The following CHODL variants were observed in gnomAD, a reference collection of about 807,000 sequenced individuals.
The protein encoded by CHODL is transmembrane protein MT75.
Under a neutral mutation model 34.5 loss-of-function variants are expected in CHODL, and 29 were observed. The observed-to-expected ratio is 0.84, with a 90% CI of 0.63 to 1.15. The LOEUF is 1.15. CHODL is among the 50% of genes most tolerant of loss of function. The pLI is 0.00. For synonymous variants in CHODL, 125 were observed against 116.1 expected (o/e 1.08, Z -0.49); for missense variants, 332 against 332.5 (o/e 1.00, Z 0.01).
At chr21:18,102,959 A>C (rs925330001) in intron 2 of CHODL, among the ~76,000 whole-genome samples, 3 of 152,208 alleles carry the variant, frequency 2.0e-5, no homozygotes, top group Non-Finnish European at 2.9e-5. Context: ...TAGCAATAAC[A>C]CTAATCTCTC....
intron 1 of CHODL, among the ~76,000 whole-genome samples, chr21:18,004,843 A>AC (rs972065430): frequency 1.3e-5 from 2 of 150,936 alleles, no homozygotes; most frequent in African/African-American, 4.9e-5. Flanking sequence ...AAAAAAAAAA[A>AC]AACAACAACA....
intron 2 of CHODL, among the ~76,000 whole-genome samples, chr21:18,171,717 C>G (rs2073233888): frequency 6.9e-6 from 1 of 144,334 alleles, no homozygotes; most frequent in South Asian, 2.3e-4. Flanking sequence ...TTAGATACTT[C>G]TCCCCCATAT....
intron 2 of CHODL, among the ~76,000 whole-genome samples, chr21:18,031,465 G>A (rs1380178557): frequency 6.6e-6 from 1 of 152,022 alleles, no homozygotes; most frequent in African/African-American, 2.4e-5. Context: ...TAAGAAATTG[G>A]GGTAATTTTA....
chr21:18,135,323 G>C (rs1185537066), intron 2 of CHODL, among the ~76,000 whole-genome samples: 1 of 151,080 alleles, frequency 6.6e-6, no homozygotes, highest in Non-Finnish European at 1.5e-5. Flanking sequence ...AACTCTTCAG[G>C]TTCCCTACTA....
At chr21:18,041,161 C>T (rs371452855) in intron 2 of CHODL, among the ~76,000 whole-genome samples, 191 of 151,938 alleles carry the variant, frequency 1.3e-3, no homozygotes, top group African/African-American at 4.3e-3. Context: ...CTATGAAAGT[C>T]ATTTTGTTCA....
At chr21:17,949,162 C>T (rs780241111) in intron 1 of CHODL, among the ~76,000 whole-genome samples, 8 of 152,142 alleles carry the variant, frequency 5.3e-5, no homozygotes, top group Admixed American at 2.0e-4. Flanking sequence ...GCTACCCAGT[C>T]TTCATGTCCT....
intron 2 of CHODL, among the ~76,000 whole-genome samples, chr21:18,180,026 A>C (rs959776223): frequency 6.6e-6 from 1 of 152,210 alleles, no homozygotes; most frequent in Non-Finnish European, 1.5e-5. Flanking sequence ...AGAAGATAAT[A>C]ATAGTACCTA....
chr21:18,145,721 T>A (rs1037853137), intron 2 of CHODL, among the ~76,000 whole-genome samples: 1 of 152,176 alleles, frequency 6.6e-6, no homozygotes, highest in African/African-American at 2.4e-5. Flanking sequence ...GTTTGAAGCC[T>A]GAGAATATGG....
chr21:17,937,100 A>AAAAG (rs2063325598), intron 1 of CHODL, among the ~76,000 whole-genome samples: 1 of 150,446 alleles, frequency 6.6e-6, no homozygotes, highest in Non-Finnish European at 1.5e-5. Context: ...AAAAAAAAAA[A>AAAAG]TTAGGAGGAA....
At chr21:18,067,955 A>G (rs1341798021) in intron 2 of CHODL, among the ~76,000 whole-genome samples, 4 of 152,078 alleles carry the variant, frequency 2.6e-5, no homozygotes, top group Admixed American at 1.3e-4. Context: ...GCATTTACTT[A>G]ATTTTAATTG....
chr21:17,937,755 T>A (rs1244707150), intron 1 of CHODL, among the ~76,000 whole-genome samples: 1 of 152,172 alleles, frequency 6.6e-6, no homozygotes, highest in African/African-American at 2.4e-5. Context: ...GATAGGCTTT[T>A]TCAAATAACT....
At chr21:18,028,354 G>A (rs770765627) in intron 2 of CHODL, among the ~76,000 whole-genome samples, 3 of 119,586 alleles carry the variant, frequency 2.5e-5, no homozygotes, top group Non-Finnish European at 5.3e-5. Context: ...TCTTCTATCT[G>A]TGTAACTTAT....
intron 2 of CHODL, among the ~76,000 whole-genome samples, chr21:18,194,999 A>G (rs2073565971): frequency 6.6e-6 from 1 of 151,854 alleles, no homozygotes; most frequent in South Asian, 2.1e-4. Context: ...AATTTTCAAG[A>G]ATACAATACA....
At chr21:18,154,603 A>G (rs2073010625) in intron 2 of CHODL, among the ~76,000 whole-genome samples, 2 of 152,212 alleles carry the variant, frequency 1.3e-5, no homozygotes, top group Admixed American at 6.5e-5. Context: ...TACCTGTTTA[A>G]TTATCATAAT....
intron 1 of CHODL, among the ~76,000 whole-genome samples, chr21:17,976,488 C>T (rs197576): frequency 0.22 from 33,985 of 151,850 alleles, 4,998 homozygotes; most frequent in African/African-American, 0.41. Flanking sequence ...GGGCATCTTT[C>T]ATGTGACAAT....
intron 1 of CHODL, among the ~76,000 whole-genome samples, chr21:18,001,969 T>G (rs1423405264): frequency 6.6e-6 from 1 of 152,166 alleles, no homozygotes; most frequent in Admixed American, 6.5e-5. Flanking sequence ...GCTATCTGAA[T>G]AATTAAAGTT....
intron 2 of CHODL, among the ~76,000 whole-genome samples, chr21:18,151,548 G>A (rs757994948): frequency 3.9e-5 from 6 of 152,132 alleles, no homozygotes; most frequent in Non-Finnish European, 7.4e-5. Flanking sequence ...AGACACTTTA[G>A]CAATTTAATC....
At chr21:18,089,258 C>G (rs190637200) in intron 2 of CHODL, among the ~76,000 whole-genome samples, 1 of 152,094 alleles carries the variant, frequency 6.6e-6, no homozygotes, top group Non-Finnish European at 1.5e-5. Context: ...CTCTAGCTAT[C>G]CTGCCTCTTC....
At chr21:18,039,629 T>C (rs2064351185) in intron 2 of CHODL, among the ~76,000 whole-genome samples, 1 of 151,694 alleles carries the variant, frequency 6.6e-6, no homozygotes, top group African/African-American at 2.4e-5. Flanking sequence ...GAACTTGCTT[T>C]GACAATATGG....
Sources: allele counts gnomAD v4.1 joint callset (sites outside exome capture counted in the v4.1 genomes callset), GRCh38; gene constraint gnomAD v4.1.1; transcripts MANE v1.5; gene names NCBI Gene and HGNC (gene_info 2026-07-23, HGNC 2026-07-21).